Variants in TNFRSF1B observed in about 807,000 individuals in gnomAD.
The protein encoded by TNFRSF1B is TNF receptor superfamily member 1B, also known as tumor necrosis factor receptor superfamily member 1B.
TNFRSF1B carries 19 observed loss-of-function variants against 44.6 expected under a neutral mutation model. That is an observed-to-expected ratio of 0.43 (90% CI 0.30 to 0.62). TNFRSF1B has a LOEUF of 0.62. Among genes scored for constraint, TNFRSF1B ranks in the 20% least tolerant of loss-of-function variants. The probability of loss-of-function intolerance (pLI) is 0.16; values close to 1 mark genes in which losing one functional copy is unlikely to be tolerated. For missense variants in TNFRSF1B, 541 were observed against 619.9 expected (o/e 0.87, Z 1.35); for synonymous variants, 252 against 261.1 (o/e 0.97, Z 0.34).
At chr1:12,204,448 C>T (rs1019382051) in intron 9 of TNFRSF1B, among the ~76,000 whole-genome samples, 7 of 152,220 alleles carry the variant, frequency 4.6e-5, no homozygotes, top group South Asian at 2.1e-4. Flanking sequence ...ATCCACCTCC[C>T]GGCTACCCTA....
intron 1 of TNFRSF1B, among the ~76,000 whole-genome samples, chr1:12,179,231 C>A (rs572408261): frequency 1.3e-5 from 2 of 152,200 alleles, no homozygotes; most frequent in Non-Finnish European, 2.9e-5. Context: ...GTGTCACCCC[C>A]GGGTTGCCTG....
chr1:12,170,750 T>C (rs1459833786), intron 1 of TNFRSF1B, among the ~76,000 whole-genome samples: 1 of 150,230 alleles, frequency 6.7e-6, no homozygotes, highest in Non-Finnish European at 1.5e-5. Flanking sequence ...GCAGTCTCCA[T>C]CTGCCTCTTG....
intron 1 of TNFRSF1B, among the ~76,000 whole-genome samples, chr1:12,181,623 T>C (rs967948418): frequency 4.6e-5 from 7 of 152,122 alleles, no homozygotes. Context: ...GCGCCCCTTC[T>C]ACAAGGCCGG....
Position 12,193,034 on chromosome 1 carries a change from C to A in TNFRSF1B, c.723C>A (p.Phe241Leu). 6.2e-7 allele frequency: 1 copy of A among 1,614,240 alleles called. No homozygotes were observed. The highest frequency in any genetic ancestry group is 2.2e-5 in the East Asian group (1 of 44,884). Residue 241 changes from phenylalanine (F) to leucine (L), a missense_variant, in exon 6 of 10, where the codon TTC becomes TTA. By Grantham distance (22) the Phe-to-Leu change is conservative. Coordinates refer to ENST00000376259, the MANE Select transcript of TNFRSF1B (RefSeq NM_001066.3). ...CCAGCACTGCTCCAAGCACCTCCTT[C>A]CTGCTCCCAATGGGCCCCAGCCCCC... Reference protein sequence around the residue: ...PEPSTAPSTSFLLPMGPSPPA... With the variant: ...PEPSTAPSTSLLLPMGPSPPA...
At position 12,180,050 on chromosome 1, in the gene TNFRSF1B, C is replaced by T. The variant is rs1638755709; in HGVS notation, c.79-8746C>T. On this transcript the variant is annotated intron_variant, in intron 1 of 9. Transcript: ENST00000376259. This position sits in a 1 kb window ranked among gnomAD's most constrained non-coding sequence, Gnocchi z 4.3. The stretch of plus-strand genomic sequence containing the variant: ...TCTTCCGTTCTCAGCGGGTAGATCC[C>T]TGCCCAGGGGGGACCCCCTGGGGAA... Among the ~76,000 whole-genome samples, 1 of 151,946 alleles carries T rather than the reference C, an allele frequency of 6.6e-6. No homozygotes were observed. The highest frequency in any genetic ancestry group is 1.5e-5 in the Non-Finnish European group (1 of 67,956).
intron 1 of TNFRSF1B, among the ~76,000 whole-genome samples, chr1:12,185,435 G>A (rs1163610516): frequency 6.7e-6 from 1 of 148,658 alleles, no homozygotes; most frequent in African/African-American, 2.4e-5. Context: ...CAGGCAGTGA[G>A]CTCCCCCCAC....
rs1236387052 is a variant in TNFRSF1B, at chr1:12,168,703, C to T, written c.78+1534C>T. ...CCTCCCACTTCCTTCCCTTCCTGAC[C>T]AGCTCCTGCGGCAGCTCATATTCCC... On this transcript the variant is annotated intron_variant, in intron 1 of 9. Transcript: ENST00000376259. The surrounding 1 kb of genome is among the most constrained non-coding windows in gnomAD (Gnocchi z 4.7). Among the ~76,000 whole-genome samples, 1 of 152,114 alleles carries T rather than the reference C, an allele frequency of 6.6e-6. No individual in the cohort carries two copies. The highest frequency in any genetic ancestry group is 2.4e-5 in the African/African-American group (1 of 41,416).
rs542796159 is a variant in TNFRSF1B, at chr1:12,178,070, G to A, written c.79-10726G>A. On this transcript the variant is annotated intron_variant, in intron 1 of 9. Coordinates refer to ENST00000376259, the MANE Select transcript of TNFRSF1B (RefSeq NM_001066.3). This position sits in a 1 kb window ranked among gnomAD's most constrained non-coding sequence, Gnocchi z 4.3. ...CTACCTCACCCTCCAATGAGGTGGT[G>A]GTGGAGGAGACCGTGAGCCGCTGTC... is the stretch of plus-strand genomic sequence containing the variant. Among the ~76,000 whole-genome samples, 16 of 152,350 alleles carry A rather than the reference G, an allele frequency of 1.1e-4. No homozygotes were observed. In the South Asian group the frequency reaches 2.9e-3, roughly 28 times the overall value.
rs1639514440 is a variant in TNFRSF1B at position 12,206,844 on chromosome 1, A to G, written c.1210A>G (p.Thr404Ala). 6.2e-7 allele frequency: 1 copy of G among 1,614,210 alleles called. No individual in the cohort carries two copies. Among genetic ancestry groups the G allele is most frequent in the Non-Finnish European group, 8.5e-7 (1 of 1,180,034 alleles). The change falls in exon 10 of 10, where the codon ACA (threonine) becomes GCA (alanine). Residue 404 changes from threonine (T) to alanine (A), a missense_variant. Thr to Ala is a moderately conservative substitution (Grantham distance 58). Transcript: ENST00000376259. Reference sequence around the variant, plus strand: ...ACAGTGCTCCTCCCAAGCCAGCTCCACAATGGGAGACACAGATTCCAGCCC... The same window carrying G: ...ACAGTGCTCCTCCCAAGCCAGCTCCGCAATGGGAGACACAGATTCCAGCCC... ...SSQCSSQASS[T>A]MGDTDSSPSE... is the part of the protein sequence containing the mutation.
At position 12,202,064 on chromosome 1, in the gene TNFRSF1B, G is replaced by A. The variant is rs1250846430; in HGVS notation, c.998G>A (p.Ser333Asn). The change falls in exon 9 of 10, where the codon AGC becomes AAC. Residue 333 changes from serine to asparagine, a missense_variant. Ser to Asn is a conservative substitution (Grantham distance 46). Transcript: ENST00000376259. ...AGCTCCAGCAGCAGCTCCCTGGAGAGCTCGGCCAGTGCGTTGGACAGAAGG... is the reference window on the plus strand; with the variant it reads ...AGCTCCAGCAGCAGCTCCCTGGAGAACTCGGCCAGTGCGTTGGACAGAAGG... ...APSSSSSSLE[S>N]SASALDRRAP... The A allele has an allele frequency of 6.2e-7, 1 of 1,604,416 alleles. No individual in the cohort carries two copies. The highest frequency in any genetic ancestry group is 8.5e-7 in the Non-Finnish European group (1 of 1,176,096).
At position 12,202,091 on chromosome 1, in the gene TNFRSF1B, C is replaced by T. The variant is rs557877494; in HGVS notation, c.1025C>T (p.Ala342Val). ...ESSASALDRR[A>V]PTRNQPQAPG... ...TCGGCCAGTGCGTTGGACAGAAGGG[C>T]GCCCACTCGGAACCAGCCACAGGCA... The change falls in exon 9 of 10, where the codon GCG becomes GTG. Residue 342 changes from alanine (A) to valine (V), a missense_variant. By Grantham distance (64) the Ala-to-Val change is moderately conservative (BLOSUM62 0). Coordinates refer to ENST00000376259, the MANE Select transcript of TNFRSF1B (RefSeq NM_001066.3). 49 of 1,583,874 alleles carry T rather than the reference C, an allele frequency of 3.1e-5. No homozygotes were observed. The African/African-American group carries it at 5.1e-4, about 16-fold the overall frequency.
chr1:12,198,686 A>ATTTTTTTTTT (rs1639321877), intron 8 of TNFRSF1B, among the ~76,000 whole-genome samples: 1 of 53,484 alleles, frequency 1.9e-5, no homozygotes, highest in African/African-American at 7.7e-5. Flanking sequence ...GCTGGCTGGA[A>ATTTTTTTTTT]TTCTGTTTTT....
At chr1:12,185,338 A>G (rs1638960136) in intron 1 of TNFRSF1B, among the ~76,000 whole-genome samples, 1 of 151,920 alleles carries the variant, frequency 6.6e-6, no homozygotes, top group Non-Finnish European at 1.5e-5. Flanking sequence ...TTAATGGTAC[A>G]GCTTCCTGGG....
rs902455632 is a variant in TNFRSF1B at position 12,207,339 on chromosome 1, G to T, written c.*319G>T. ...CCGCCCAGCTGCACCTGCCAGCCTG[G>T]CTTCTGGAGCCCTTGGGTTTTTTGT... On this transcript the variant is annotated 3_prime_UTR_variant, in exon 10 of 10. Transcript: ENST00000376259. 2.1e-5 allele frequency: 7 copies of T among 340,478 alleles called. No individual in the cohort carries two copies. Among genetic ancestry groups the T allele is most frequent in the Non-Finnish European group, 3.2e-5 (6 of 189,340 alleles). 21.1% of individuals were successfully genotyped at this position (340,478 alleles called of 1,614,324 possible). A position where few individuals can be genotyped will look rare whatever the true frequency, so the allele number is the denominator to read the frequency against.
At chr1:12,181,251 T>C (rs1638797646) in intron 1 of TNFRSF1B, among the ~76,000 whole-genome samples, 2 of 152,302 alleles carry the variant, frequency 1.3e-5, no homozygotes, top group African/African-American at 4.8e-5. Flanking sequence ...GGGTGTGTTC[T>C]CGCCTTGCCA....
intron 1 of TNFRSF1B, among the ~76,000 whole-genome samples, chr1:12,176,833 G>A (rs1638666557): frequency 6.6e-6 from 1 of 152,222 alleles, no homozygotes; most frequent in East Asian, 1.9e-4. Flanking sequence ...CAGGAAGGAA[G>A]GGGCGAGAGG....
intron 1 of TNFRSF1B, among the ~76,000 whole-genome samples, chr1:12,183,831 C>G (rs959186317): frequency 6.7e-6 from 1 of 148,770 alleles, no homozygotes. Flanking sequence ...ATCTACCTAT[C>G]TATCTATCTA....
At position 12,207,167 on chromosome 1, in the gene TNFRSF1B, G is replaced by A. The variant is rs1409117427; in HGVS notation, c.*147G>A. ...AGTTCCTCTAGTGCCCTCCACAGCCGCAGCCTCCCTCTGACCTGCAGGCCA... is the reference window on the plus strand; with the variant it reads ...AGTTCCTCTAGTGCCCTCCACAGCCACAGCCTCCCTCTGACCTGCAGGCCA... On this transcript the variant is annotated 3_prime_UTR_variant, in exon 10 of 10. Transcript: ENST00000376259. 6 of 807,296 alleles carry A rather than the reference G, an allele frequency of 7.4e-6. No individual in the cohort carries two copies. Among genetic ancestry groups the A allele is most frequent in the South Asian group, 2.6e-5 (1 of 37,904 alleles). 50.0% of individuals were successfully genotyped at this position (807,296 alleles called of 1,614,324 possible).
At chr1:12,189,213 G>A (rs1270896765) in intron 2 of TNFRSF1B, among the ~76,000 whole-genome samples, 2 of 152,174 alleles carry the variant, frequency 1.3e-5, no homozygotes, top group Non-Finnish European at 2.9e-5. Flanking sequence ...AGCTCCTGGG[G>A]GAGTCAGGGA....
Sources: allele counts gnomAD v4.1 joint callset (sites outside exome capture counted in the v4.1 genomes callset), GRCh38; gene constraint gnomAD v4.1.1; non-coding constraint Gnocchi (gnomAD v3.1); transcripts MANE v1.5; gene names NCBI Gene and HGNC (gene_info 2026-07-23, HGNC 2026-07-21).